Variants in CCM2 observed in about 807,000 individuals in gnomAD.
CCM2 encodes CCM2 scaffold protein, also known as cerebral cavernous malformations 2 protein.
Under a neutral mutation model 44.9 loss-of-function variants are expected in CCM2, and 25 were observed. That is an observed-to-expected ratio of 0.56 (90% CI 0.41 to 0.78). The LOEUF is 0.78. CCM2 is among the 30% of genes least tolerant of loss of function. The probability of loss-of-function intolerance (pLI) is 0.00; values close to 1 mark genes in which losing one functional copy is unlikely to be tolerated. For missense variants in CCM2, 481 were observed against 580.6 expected (o/e 0.83, Z 1.76); for synonymous variants, 219 against 241.1 (o/e 0.91, Z 0.85).
In CCM2 at chr7:45,075,945, G is replaced by C; in HGVS notation, c.1223G>C (p.Ser408Thr). The change falls in exon 10 of 10, where the codon AGC becomes ACC. Residue 408 changes from serine (S) to threonine (T), a missense_variant. Ser to Thr is a moderately conservative substitution (Grantham distance 58, BLOSUM62 1). Transcript: ENST00000258781. ...STTNGNRATG[S>T]SDDRSAPSEG... ...ACCAATGGGAACAGGGCCACGGGCA[G>C]CTCTGATGACCGGTCGGCACCCTCA... 2 of 1,613,216 alleles carry C rather than the reference G, an allele frequency of 1.2e-6. No homozygotes were observed. Among genetic ancestry groups the C allele is most frequent in the East Asian group, 2.2e-5 (1 of 44,884 alleles).
intron 1 of CCM2, among the ~76,000 whole-genome samples, chr7:45,037,932 T>G (rs994624091): frequency 1.3e-5 from 2 of 152,262 alleles, no homozygotes; most frequent in Non-Finnish European, 2.9e-5. Flanking sequence ...TTTTATCTTC[T>G]GTGGGGAATC....
At chr7:45,046,245 C>A (rs1211286177) in intron 2 of CCM2, among the ~76,000 whole-genome samples, 1 of 152,214 alleles carries the variant, frequency 6.6e-6, no homozygotes, top group Non-Finnish European at 1.5e-5. Flanking sequence ...TCTTAAATTT[C>A]AAGCTATTCT....
At position 45,064,497 on chromosome 7, in the gene CCM2, A is replaced by G; in HGVS notation, c.323A>G (p.Glu108Gly). 1 of 1,613,688 alleles carries G rather than the reference A, an allele frequency of 6.2e-7. No individual in the cohort carries two copies. The highest frequency in any genetic ancestry group is 8.5e-7 in the Non-Finnish European group (1 of 1,179,908). ...CAGCTTCCGGGACACTTGACTCAGG[A>G]GCACGATGCTGTGCTCAGCCTGTCT... ...AHQLPGHLTQ[E>G]HDAVLSLSAY... The change falls in exon 4 of 10, where the codon GAG becomes GGG. Residue 108 changes from glutamate (E) to glycine (G), a missense_variant. Coordinates refer to ENST00000258781, the MANE Select transcript of CCM2 (RefSeq NM_031443.4).
chr7:45,064,610 C>T lies in CCM2; in HGVS notation c.436C>T (p.Arg146Trp), dbSNP rs372613654. ...IHDIAAVSYV[R>W]DDAAHLVVLK... Reference sequence around the variant, plus strand: ...TGACATCGCCGCCGTCTCCTATGTTCGGGATGACGCTGCACACCTGGTGGT... The same window carrying T: ...TGACATCGCCGCCGTCTCCTATGTTTGGGATGACGCTGCACACCTGGTGGT... Residue 146 changes from arginine (R) to tryptophan (W), a missense_variant, in exon 4 of 10, where the codon CGG becomes TGG. Coordinates refer to ENST00000258781, the MANE Select transcript of CCM2 (RefSeq NM_031443.4). 4.2e-5 allele frequency: 67 copies of T among 1,613,848 alleles called. No homozygotes were observed. The highest frequency in any genetic ancestry group is 5.0e-5 in the Non-Finnish European group (59 of 1,180,038).
chr7:45,047,675 G>T (rs942206096), intron 2 of CCM2, among the ~76,000 whole-genome samples: 4 of 152,228 alleles, frequency 2.6e-5, no homozygotes, highest in Non-Finnish European at 2.9e-5. Flanking sequence ...AGTTGCTGAG[G>T]TGGAGAACAG....
rs181106862 is a variant in CCM2 at position 45,044,021 on chromosome 7, A to G, written c.204+5595A>G. ...CTGGCTTATCAGTTCTTCTCCCTCC[A>G]GAATTAGTTGTTTAGTTTGTGATCT... On this transcript the variant is annotated intron_variant, in intron 2 of 9. Transcript: ENST00000258781. Among the ~76,000 whole-genome samples the G allele has an allele frequency of 1.1e-3, 173 of 152,240 alleles. 1 individual carries two copies. Among genetic ancestry groups the G allele is most frequent in the African/African-American group, 3.9e-3 (163 of 41,532 alleles).
intron 2 of CCM2, among the ~76,000 whole-genome samples, chr7:45,059,336 A>C (rs1798415088): frequency 6.6e-6 from 1 of 151,748 alleles, no homozygotes; most frequent in Non-Finnish European, 1.5e-5. Flanking sequence ...TAATCCCAGC[A>C]CTTTGGGAGG....
At chr7:45,064,146 C>G (rs1798653834) in intron 3 of CCM2, 145 bp downstream of exon 3, 1 of 657,076 alleles carries the variant, frequency 1.5e-6, no homozygotes, top group Non-Finnish European at 2.7e-6. Context: ...AAGACTATTC[C>G]TTAGTATGGA....
Position 45,004,665 on chromosome 7 carries a change from A to C in CCM2, c.30+4302A>C, listed in dbSNP as rs201906749. Among the ~76,000 whole-genome samples, 6 of 152,216 alleles carry C rather than the reference A, an allele frequency of 3.9e-5. No homozygotes were observed. The East Asian group carries it at 1.2e-3, about 29-fold the overall frequency. ...ACCGAAGTGAAAGTTTAAAGGAACC[A>C]CACTTAAACGCTCTGATTTTTTAAT... is the stretch of plus-strand genomic sequence containing the variant. On this transcript the variant is annotated intron_variant, in intron 1 of 9. Coordinates refer to ENST00000258781, the MANE Select transcript of CCM2 (RefSeq NM_031443.4).
Position 45,052,670 on chromosome 7 carries a change from A to T in CCM2, c.205-11248A>T, listed in dbSNP as rs564866926. On this transcript the variant is annotated intron_variant, in intron 2 of 9. Transcript: ENST00000258781. ...CCCAAGATTGTTTATCCACTTGAAT[A>T]AAGATTCCATTTAGCTCAGTTTGTG... 2.0e-5 allele frequency among the ~76,000 whole-genome samples: 3 copies of T among 152,340 alleles called. No individual in the cohort carries two copies. The South Asian group carries it at 6.2e-4, about 32-fold the overall frequency.
chr7:45,000,970 G>A (rs568372498), intron 1 of CCM2, among the ~76,000 whole-genome samples: 8 of 152,324 alleles, frequency 5.3e-5, no homozygotes, highest in African/African-American at 1.9e-4. Context: ...AACATTTTAA[G>A]ACTGGAAAAA....
chr7:45,005,280 C>G (rs947868819), intron 1 of CCM2, among the ~76,000 whole-genome samples: 5 of 152,162 alleles, frequency 3.3e-5, no homozygotes, highest in African/African-American at 1.2e-4. Flanking sequence ...GAAGAGTTAC[C>G]ATTTACATAG....
intron 1 of CCM2, among the ~76,000 whole-genome samples, chr7:45,021,519 G>T (rs997703479): frequency 6.6e-6 from 1 of 151,406 alleles, no homozygotes; most frequent in Admixed American, 6.6e-5. Flanking sequence ...AGCTGAGATC[G>T]CGCCACTGCA....
intron 1 of CCM2, among the ~76,000 whole-genome samples, chr7:45,023,159 T>TAA (rs59642709): frequency 1.3e-5 from 2 of 152,332 alleles, no homozygotes; most frequent in African/African-American, 4.8e-5. Flanking sequence ...GTCCATTATA[T>TAA]CACTCTGTGT....
chr7:45,027,859 G>C, intron 1 of CCM2: 1 of 1,569,744 alleles, frequency 6.4e-7, no homozygotes. Flanking sequence ...GTCCCTTGTG[G>C]GTGGCTTTCA....
At chr7:45,037,041 C>A (rs10271136) in intron 1 of CCM2, among the ~76,000 whole-genome samples, 7,337 of 152,134 alleles carry the variant, frequency 0.048, 235 homozygotes, top group Middle Eastern at 0.1. Flanking sequence ...CGTGATGTTT[C>A]CTTGCTGCGG....
chr7:45,052,707 T>C (rs1798070052), intron 2 of CCM2, among the ~76,000 whole-genome samples: 1 of 152,204 alleles, frequency 6.6e-6, no homozygotes, highest in Admixed American at 6.5e-5. Flanking sequence ...CAGTCTACAG[T>C]CATCTACCAC....
intron 1 of CCM2, among the ~76,000 whole-genome samples, chr7:45,029,029 C>T (rs1165677004): frequency 6.6e-6 from 1 of 152,156 alleles, no homozygotes; most frequent in African/African-American, 2.4e-5. Flanking sequence ...AATCATCGCT[C>T]CAGGTTCCAC....
chr7:45,057,352 G>A (rs1052598638), intron 2 of CCM2, among the ~76,000 whole-genome samples: 1 of 151,976 alleles, frequency 6.6e-6, no homozygotes, highest in South Asian at 2.1e-4. Flanking sequence ...TAGTAGAGAC[G>A]GGGTTTCACC....
Sources: allele counts gnomAD v4.1 joint callset (sites outside exome capture counted in the v4.1 genomes callset), GRCh38; gene constraint gnomAD v4.1.1; transcripts MANE v1.5; gene names NCBI Gene and HGNC (gene_info 2026-07-23, HGNC 2026-07-21).